RAD51B: variants seen among roughly 807,000 people sequenced by gnomAD.
RAD51B encodes DNA repair protein RAD51 homolog 2.
In RAD51B, 38 loss-of-function variants were observed where a neutral mutation model predicts 42.2. The ratio of observed to expected loss-of-function variants is 0.90; its 90% CI spans 0.70 to 1.18. RAD51B has a LOEUF of 1.18. Among genes scored for constraint, RAD51B ranks in the 50% most tolerant of loss-of-function variants. RAD51B has a pLI of 0.00. For synonymous variants in RAD51B, 154 were observed against 145.2 expected (o/e 1.06, Z -0.43); for missense variants, 373 against 400.7 (o/e 0.93, Z 0.59).
At chr14:68,322,511 C>A (rs1002021339) in intron 8 of RAD51B, among the ~76,000 whole-genome samples, 8 of 152,202 alleles carry the variant, frequency 5.3e-5, no homozygotes, top group Non-Finnish European at 1.2e-4. Context: ...TTCTCTCATT[C>A]ATAAGCTTCT....
intron 7 of RAD51B, among the ~76,000 whole-genome samples, chr14:68,257,768 C>T (rs1298608398): frequency 6.6e-6 from 1 of 151,988 alleles, no homozygotes; most frequent in African/African-American, 2.4e-5. Flanking sequence ...GTGTTGTTCT[C>T]TGTGATTGTT....
chr14:68,101,299 C>T (rs1488633066), intron 7 of RAD51B, among the ~76,000 whole-genome samples: 1 of 152,230 alleles, frequency 6.6e-6, no homozygotes, highest in Non-Finnish European at 1.5e-5. Flanking sequence ...AAAACATAAT[C>T]ATGCCATTCC....
intron 7 of RAD51B, among the ~76,000 whole-genome samples, chr14:67,946,002 A>C (rs2140192903): frequency 6.6e-6 from 1 of 152,290 alleles, no homozygotes; most frequent in Non-Finnish European, 1.5e-5. Flanking sequence ...GATTGTGGAA[A>C]GATAACTGTC....
intron 10 of RAD51B, among the ~76,000 whole-genome samples, chr14:68,571,951 G>C (rs558850207): frequency 1.1e-4 from 16 of 152,318 alleles, no homozygotes; most frequent in African/African-American, 3.8e-4. Context: ...GGCACAGAAA[G>C]TGGACATCGA....
At chr14:68,389,361 CT>C (rs989292143) in intron 8 of RAD51B, among the ~76,000 whole-genome samples, 1 of 151,438 alleles carries the variant, frequency 6.6e-6, no homozygotes, top group Non-Finnish European at 1.5e-5. Flanking sequence ...TGTTTTTGAA[CT>C]TTATATAAAT....
At chr14:68,363,866 C>T (rs558698946) in intron 8 of RAD51B, among the ~76,000 whole-genome samples, 90 of 152,224 alleles carry the variant, frequency 5.9e-4, no homozygotes, top group African/African-American at 2.0e-3. Flanking sequence ...TCGTATCAGC[C>T]GCTCCATTGC....
intron 7 of RAD51B, among the ~76,000 whole-genome samples, chr14:68,208,797 A>C (rs1235964438): frequency 6.6e-6 from 1 of 152,168 alleles, no homozygotes; most frequent in African/African-American, 2.4e-5. Context: ...TTCAACAGTA[A>C]AACTCATTGG....
At chr14:68,448,389 GA>G (rs2085473117) in intron 9 of RAD51B, among the ~76,000 whole-genome samples, 1 of 152,154 alleles carries the variant, frequency 6.6e-6, no homozygotes, top group Admixed American at 6.5e-5. Flanking sequence ...GCAAGGAAGC[GA>G]GTGTTTTTTA....
intron 7 of RAD51B, among the ~76,000 whole-genome samples, chr14:68,049,209 G>C (rs909985993): frequency 6.6e-6 from 1 of 152,084 alleles, no homozygotes; most frequent in Non-Finnish European, 1.5e-5. Flanking sequence ...GCCTGTTGTG[G>C]GGTGGGGGGA....
Position 68,562,331 on chromosome 14 carries a change from TACAGGGTGAG to T in RAD51B, c.1037-32147_1037-32138del, listed in dbSNP as rs894116307. 5 of 985,296 alleles carry T rather than the reference TACAGGGTGAG, an allele frequency of 5.1e-6. No homozygotes were observed. In the African/African-American group the frequency reaches 8.7e-5, roughly 17 times the overall value. The allele number at this position is 985,296 out of a possible 1,614,324, so 61.0% of individuals were successfully genotyped here. ...TCTGCCTGACGAAGGCTGTGTGATC[TACAGGGTGAG>T]ACAGGGAGTTTAAGGTGGGAACCAA... On this transcript the variant is annotated intron_variant, in intron 10 of 10. Coordinates refer to the RAD51B transcript ENST00000487270.
chr14:68,594,556 G>A (rs2140084223), exon 11 of RAD51B: 1 of 1,327,268 alleles, frequency 7.5e-7, no homozygotes, highest in South Asian at 1.2e-5. Context: ...TCAGCCTCCT[G>A]AGCAGCTAGG....
chr14:68,671,441 AC>A (rs1325416132), intron 11 of RAD51B, among the ~76,000 whole-genome samples: 1 of 150,970 alleles, frequency 6.6e-6, no homozygotes, highest in Non-Finnish European at 1.5e-5. Context: ...ATACAAACCC[AC>A]CCCCTATCCT....
At chr14:67,923,298 C>CTTTTTTTTTTTTTTTTT (rs34809964) in intron 7 of RAD51B, among the ~76,000 whole-genome samples, 6 of 123,654 alleles carry the variant, frequency 4.9e-5, no homozygotes, top group African/African-American at 1.3e-4. Flanking sequence ...TTTTCTTTTT[C>CTTTTTTTTTTTTTTTTT]TTTTTTTTTT....
intron 7 of RAD51B, among the ~76,000 whole-genome samples, chr14:68,183,530 A>G (rs900425873): frequency 2.6e-5 from 4 of 152,168 alleles, no homozygotes; most frequent in Admixed American, 2.6e-4. Context: ...ACCCAGGAAT[A>G]ATACTTTGCA....
intron 7 of RAD51B, among the ~76,000 whole-genome samples, chr14:68,226,073 G>A (rs960651315): frequency 2.6e-5 from 4 of 152,180 alleles, no homozygotes; most frequent in African/African-American, 9.7e-5. Context: ...ATAGATGGCA[G>A]GGAGGAGCAA....
chr14:67,962,149 G>A lies in RAD51B; in HGVS notation c.756+74945G>A, dbSNP rs115689861. On this transcript the variant is annotated intron_variant, in intron 7 of 10. Transcript: ENST00000471583. ...AAAAATTTAATGGTTTGGAGTGAAA[G>A]CGTGGAATAATCACGGTAAACACAG... Among the ~76,000 whole-genome samples the A allele has an allele frequency of 1.9e-3, 287 of 152,290 alleles. 1 individual carries two copies. Among genetic ancestry groups the A allele is most frequent in the African/African-American group, 6.2e-3 (257 of 41,562 alleles).
intron 9 of RAD51B, among the ~76,000 whole-genome samples, chr14:68,444,061 C>T (rs1486020097): frequency 6.6e-6 from 1 of 152,142 alleles, no homozygotes; most frequent in Non-Finnish European, 1.5e-5. Context: ...CATGGCATGG[C>T]CTTCATGATT....
At chr14:67,898,363 G>A (rs543006658) in intron 7 of RAD51B, among the ~76,000 whole-genome samples, 64 of 152,326 alleles carry the variant, frequency 4.2e-4, no homozygotes, top group African/African-American at 1.5e-3. Context: ...ACTTTTACTA[G>A]TATATGGAAT....
intron 10 of RAD51B, among the ~76,000 whole-genome samples, chr14:68,518,152 G>T (rs1886290062): frequency 6.6e-6 from 1 of 152,202 alleles, no homozygotes; most frequent in African/African-American, 2.4e-5. Context: ...TTGTATTGCC[G>T]TGGAAGAGCT....
Sources: gnomAD v4.1 joint callset for allele counts (sites outside exome capture counted in the v4.1 genomes callset) on GRCh38, gnomAD v4.1.1 for gene constraint, MANE v1.5 for transcripts, NCBI Gene and HGNC (gene_info 2026-07-23, HGNC 2026-07-21) for gene names.